Variants in TMEM135 observed in about 807,000 individuals in gnomAD.
The protein encoded by TMEM135 is transmembrane protein 135, also known as peroxisomal membrane protein 52.
TMEM135 carries 30 observed loss-of-function variants against 60.3 expected under a neutral mutation model. The ratio of observed to expected loss-of-function variants is 0.50; its 90% CI spans 0.37 to 0.68. TMEM135 has a LOEUF of 0.68. Among genes scored for constraint, TMEM135 ranks in the 30% least tolerant of loss-of-function variants. TMEM135 has a pLI of 0.00. For synonymous variants in TMEM135, 190 were observed against 186.7 expected, an observed-to-expected ratio of 1.02 and a Z score of -0.14; for missense variants, 468 against 548.8, an observed-to-expected ratio of 0.85 and a Z score of 1.47.
chr11:87,192,483 G>A (rs1405633945), intron 5 of TMEM135, among the ~76,000 whole-genome samples: 7 of 152,038 alleles, frequency 4.6e-5, no homozygotes, highest in African/African-American at 1.7e-4. Context: ...AAGTTTATCA[G>A]TTCTTTAAAG....
At chr11:87,218,579 T>A (rs1188458349) in intron 5 of TMEM135, among the ~76,000 whole-genome samples, 1 of 152,214 alleles carries the variant, frequency 6.6e-6, no homozygotes, top group African/African-American at 2.4e-5. Flanking sequence ...ATGGTGATAA[T>A]GCCTAAATCC....
intron 6 of TMEM135, among the ~76,000 whole-genome samples, chr11:87,259,768 CA>C (rs1157067568): frequency 6.6e-6 from 1 of 152,176 alleles, no homozygotes; most frequent in Non-Finnish European, 1.5e-5. Flanking sequence ...TGTTTACCTG[CA>C]AAGTGAGCTA....
chr11:87,143,986 A>G (rs543376421), intron 4 of TMEM135, among the ~76,000 whole-genome samples: 1 of 152,292 alleles, frequency 6.6e-6, no homozygotes, highest in South Asian at 2.1e-4. Context: ...ATTGTTTTAA[A>G]TACTTTTGTC....
At chr11:87,161,493 GT>G (rs1938877638) in intron 5 of TMEM135, among the ~76,000 whole-genome samples, 2 of 152,028 alleles carry the variant, frequency 1.3e-5, no homozygotes, top group Admixed American at 1.3e-4. Flanking sequence ...AGAAATTGGT[GT>G]TTTTTCATTT....
chr11:87,086,961 G>A (rs115527280), intron 3 of TMEM135, among the ~76,000 whole-genome samples: 2,848 of 152,198 alleles, frequency 0.019, 75 homozygotes, highest in East Asian at 0.06. Context: ...TAAGGACGAT[G>A]ACCAGTCTTA....
At chr11:87,091,435 C>A in intron 4 of TMEM135, 40 bp downstream of exon 4, 6 of 1,594,852 alleles carry the variant, frequency 3.8e-6, no homozygotes, top group Non-Finnish European at 5.1e-6. Flanking sequence ...TTCCCATAAG[C>A]TATATCTTTT....
chr11:87,098,937 C>A (rs1002880036), intron 4 of TMEM135, among the ~76,000 whole-genome samples: 12 of 152,156 alleles, frequency 7.9e-5, no homozygotes, highest in African/African-American at 2.2e-4. Flanking sequence ...ATCCGCCCGC[C>A]TCGGCCTCCC....
intron 6 of TMEM135, among the ~76,000 whole-genome samples, chr11:87,293,072 G>C (rs1258610411): frequency 1.3e-5 from 2 of 152,156 alleles, no homozygotes; most frequent in African/African-American, 4.8e-5. Context: ...TCAGTCTACT[G>C]CTTTCTGTTT....
In TMEM135 at chr11:87,067,814, A is replaced by G. The variant is rs143652298; in HGVS notation, c.262A>G (p.Ile88Val). 1.9e-6 allele frequency: 3 copies of G among 1,613,572 alleles called. No homozygotes were observed. The highest frequency in any genetic ancestry group is 2.7e-5 in the African/African-American group (2 of 74,880). ...NGALYMAFFC[I>V]LRKILGKFYS... ...GGCCTTGTATATGGCTTTCTTTTGC[A>G]TTTTAAGGTTGGTACTCATAATCAC... The change falls in exon 2 of 15, where the codon ATT becomes GTT. Residue 88 changes from isoleucine to valine, a missense_variant. Physicochemically the swap from Ile to Val is conservative, Grantham distance 29. Transcript: ENST00000305494.
intron 4 of TMEM135, among the ~76,000 whole-genome samples, chr11:87,109,828 C>CTT (rs35216554): frequency 0.091 from 13,724 of 150,054 alleles, 685 homozygotes; most frequent in Non-Finnish European, 0.1. Context: ...AGCACCAACT[C>CTT]TTTTTTTTTT....
intron 5 of TMEM135, among the ~76,000 whole-genome samples, chr11:87,213,722 G>C (rs1940431288): frequency 1.3e-5 from 2 of 152,068 alleles, no homozygotes; most frequent in African/African-American, 4.8e-5. Context: ...CTCCAGAATG[G>C]TAGTAGGTGT....
intron 5 of TMEM135, among the ~76,000 whole-genome samples, chr11:87,222,925 A>G (rs1301191884): frequency 6.6e-6 from 1 of 152,196 alleles, no homozygotes; most frequent in Non-Finnish European, 1.5e-5. Flanking sequence ...CAACATCGTT[A>G]CATCTTGTAG....
chr11:87,220,851 T>C (rs1013360838), intron 5 of TMEM135, among the ~76,000 whole-genome samples: 19 of 152,330 alleles, frequency 1.2e-4, no homozygotes, highest in Non-Finnish European at 1.8e-4. Context: ...TATGTCTATA[T>C]GTTTAATAAC....
At position 87,328,164 on chromosome 11, in the gene TMEM135, T is replaced by C; in HGVS notation, c.*6831T>C. The C allele has an allele frequency of 2.2e-6, 1 of 454,100 alleles. No individual in the cohort carries two copies. The highest frequency in any genetic ancestry group is 4.4e-6 in the Non-Finnish European group (1 of 226,802). The allele number at this position is 454,100 out of a possible 1,614,324, so 28.1% of individuals were successfully genotyped here. A position where few individuals can be genotyped will look rare whatever the true frequency, so the allele number is the denominator to read the frequency against. On this transcript the variant is annotated 3_prime_UTR_variant, in exon 15 of 15. Coordinates refer to ENST00000305494, the MANE Select transcript of TMEM135 (RefSeq NM_022918.4). ...CAGCTGAAAACATTTCTAATGGACA[T>C]ATTCCAATTCTGTATAGATCAGATC...
intron 5 of TMEM135, among the ~76,000 whole-genome samples, chr11:87,173,190 ATTAG>A (rs974127265): frequency 1.3e-5 from 2 of 152,156 alleles, no homozygotes; most frequent in African/African-American, 2.4e-5. Context: ...TAAGCAAAGT[ATTAG>A]TTCAAGTAGT....
chr11:87,198,848 T>G (rs1940028549), intron 5 of TMEM135, among the ~76,000 whole-genome samples: 1 of 152,102 alleles, frequency 6.6e-6, no homozygotes, highest in Admixed American at 6.5e-5. Context: ...TTGACTGAGT[T>G]CCTAGTTTTA....
At chr11:87,310,788 A>T (rs1426254540) in intron 10 of TMEM135, among the ~76,000 whole-genome samples, 1 of 149,642 alleles carries the variant, frequency 6.7e-6, no homozygotes, top group African/African-American at 2.5e-5. Flanking sequence ...TGAAAAAAAT[A>T]GATTTTTTTT....
At chr11:87,084,013 G>A (rs920014365) in intron 3 of TMEM135, among the ~76,000 whole-genome samples, 13 of 151,852 alleles carry the variant, frequency 8.6e-5, no homozygotes, top group Non-Finnish European at 1.9e-4. Context: ...GAATTTAGAA[G>A]TTGCATTGTT....
intron 7 of TMEM135, 57 bp downstream of exon 7, chr11:87,295,880 A>T (rs1591176795): frequency 1.4e-6 from 2 of 1,380,604 alleles, no homozygotes; most frequent in East Asian, 2.3e-5. Flanking sequence ...TTAAAAAATT[A>T]TACATAATTA....
Sources: allele counts gnomAD v4.1 joint callset (sites outside exome capture counted in the v4.1 genomes callset), GRCh38; gene constraint gnomAD v4.1.1; transcripts MANE v1.5; gene names NCBI Gene and HGNC (gene_info 2026-07-23, HGNC 2026-07-21).